The following ANKEF1 variants were observed in gnomAD, a reference collection of about 807,000 sequenced individuals.
ANKEF1 encodes ankyrin repeat and EF-hand domain-containing protein 1.
In ANKEF1, 43 loss-of-function variants were observed where a neutral mutation model predicts 65.1. That is an observed-to-expected ratio of 0.66 (90% CI 0.52 to 0.85). The LOEUF (loss-of-function observed/expected upper bound fraction) is 0.85. Among genes scored for constraint, ANKEF1 ranks in the 40% least tolerant of loss-of-function variants. The probability of loss-of-function intolerance (pLI) is 0.00; values close to 1 mark genes in which losing one functional copy is unlikely to be tolerated. For synonymous variants in ANKEF1, 316 were observed against 341.5 expected, an observed-to-expected ratio of 0.93 and a Z score of 0.82; for missense variants, 934 against 952.9, an observed-to-expected ratio of 0.98 and a Z score of 0.26.
rs200001732 is a variant in ANKEF1 at position 10,049,914 on chromosome 20, G to C, written c.1345G>C (p.Gly449Arg). The C allele has an allele frequency of 3.3e-5, 53 of 1,614,210 alleles. No homozygotes were observed. In the South Asian group the frequency reaches 4.3e-4, roughly 13 times the overall value. ...GTACGCGTTTCCACGCCGGCAGGAT[G>C]GTGGGCCACCGTATTACATGATTGA... ...PEYAFPRRQD[G>R]GPPYYMIETY... The change falls in exon 7 of 11, where the codon GGT (glycine) becomes CGT (arginine). Residue 449 changes from glycine (G) to arginine (R), a missense_variant. Transcript: ENST00000378392.
At chr20:10,041,430 TTAGA>T (rs1466857498) in intron 3 of ANKEF1, among the ~76,000 whole-genome samples, 1 of 152,058 alleles carries the variant, frequency 6.6e-6, no homozygotes, top group Non-Finnish European at 1.5e-5. Flanking sequence ...ATAGTATAAA[TTAGA>T]TAAGATTAGT....
At chr20:10,038,668 T>C (rs1984009111) in intron 3 of ANKEF1, 21 bp downstream of exon 3, 1 of 1,525,236 alleles carries the variant, frequency 6.6e-7, no homozygotes, top group Non-Finnish European at 8.9e-7. Context: ...CGACATCCTC[T>C]CCAGCAGATT....
chr20:10,045,991 C>G (rs545911283), intron 6 of ANKEF1, among the ~76,000 whole-genome samples: 1 of 152,042 alleles, frequency 6.6e-6, no homozygotes, highest in Non-Finnish European at 1.5e-5. Context: ...TGGTTGAGGG[C>G]GGGGTGTGGT....
Position 10,050,011 on chromosome 20 carries a change from A to G in ANKEF1, c.1442A>G (p.Asp481Gly). ...CCCCCAGAACATCCCATTCAGGATG[A>G]CTCTGTTTGGTACATTGATGATTCA... ...DHPPEHPIQD[D>G]SVWYIDDSEK... Residue 481 changes from aspartate (D) to glycine (G), a missense_variant, in exon 7 of 11, where the codon GAC becomes GGC. By Grantham distance (94) the Asp-to-Gly change is moderately conservative. Transcript: ENST00000378392. 6.2e-7 allele frequency: 1 copy of G among 1,614,112 alleles called. No homozygotes were observed. Among genetic ancestry groups the G allele is most frequent in the East Asian group, 2.2e-5 (1 of 44,872 alleles).
rs530475616 is a variant in ANKEF1 at position 10,035,934 on chromosome 20, T to C, written c.-45+292T>C. The stretch of plus-strand genomic sequence containing the variant: ...TGCTCTATTCCACTACCTTGGTAGA[T>C]GGTTAGATGTGACTAAGGTGGCCCA... On this transcript the variant is annotated intron_variant, in intron 2 of 10. Transcript: ENST00000378392. Among the ~76,000 whole-genome samples the C allele has an allele frequency of 3.3e-5, 5 of 152,318 alleles. No homozygotes were observed. In the South Asian group the frequency reaches 1.0e-3, roughly 32 times the overall value.
At chr20:10,037,052 G>C (rs1440509440) in intron 2 of ANKEF1, among the ~76,000 whole-genome samples, 1 of 152,134 alleles carries the variant, frequency 6.6e-6, no homozygotes, top group African/African-American at 2.4e-5. Context: ...AGGAGAGAGA[G>C]CTCACTGCCG....
rs991428417 is a variant in ANKEF1, at chr20:10,058,167, A to C, written c.*2507A>C. 1.3e-5 allele frequency: 2 copies of C among 152,224 alleles called. No homozygotes were observed. Among genetic ancestry groups the C allele is most frequent in the Non-Finnish European group, 2.9e-5 (2 of 68,034 alleles). 9.4% of individuals were successfully genotyped at this position (152,224 alleles called of 1,614,324 possible). ...AGCTGCAGTAATAAATCATAACTGC[A>C]TAAAATTAACTGTAGTACATACTGT... On this transcript the variant is annotated 3_prime_UTR_variant, in exon 11 of 11. Coordinates refer to ENST00000378392, the MANE Select transcript of ANKEF1 (RefSeq NM_022096.6).
chr20:10,055,082 G>T (rs1241364667), intron 10 of ANKEF1, among the ~76,000 whole-genome samples: 3 of 152,068 alleles, frequency 2.0e-5, no homozygotes, highest in Admixed American at 6.6e-5. Context: ...CATCCAACCA[G>T]GCTGAACAAG....
chr20:10,056,456 T>A lies in ANKEF1; in HGVS notation c.*796T>A, dbSNP rs199861374. On this transcript the variant is annotated 3_prime_UTR_variant, in exon 11 of 11. Coordinates refer to ENST00000378392, the MANE Select transcript of ANKEF1 (RefSeq NM_022096.6). ...AGCTAGAAAGGCAGATAGACAGATA[T>A]ATAGATGATAGATAGATAGATGATA... 1.1e-5 allele frequency: 1 copy of A among 88,948 alleles called. No homozygotes were observed. Among genetic ancestry groups the A allele is most frequent in the African/African-American group, 4.2e-5 (1 of 24,072 alleles). 5.5% of individuals were successfully genotyped at this position (88,948 alleles called of 1,614,324 possible). A position where few individuals can be genotyped will look rare whatever the true frequency, so the allele number is the denominator to read the frequency against.
Position 10,049,935 on chromosome 20 carries a change from A to T in ANKEF1, c.1366A>T (p.Ile456Phe). The T allele has an allele frequency of 6.2e-7, 1 of 1,614,218 alleles. No individual in the cohort carries two copies. ...RQDGGPPYYMIETYKNVTDSS... is the reference protein window; with the variant it reads ...RQDGGPPYYMFETYKNVTDSS... ...GGATGGTGGGCCACCGTATTACATG[A>T]TTGAGACCTACAAGAATGTCACTGA... The change falls in exon 7 of 11, where the codon ATT becomes TTT. Residue 456 changes from isoleucine to phenylalanine, a missense_variant. By Grantham distance (21) the Ile-to-Phe change is conservative. Coordinates refer to ENST00000378392, the MANE Select transcript of ANKEF1 (RefSeq NM_022096.6).
chr20:10,044,296 A>T, intron 4 of ANKEF1, 98 bp from the exon 5 acceptor site: 1 of 1,344,882 alleles, frequency 7.4e-7, no homozygotes, highest in Non-Finnish European at 1.0e-6. Context: ...GTAAGTGTAA[A>T]GCTAAGGTCA....
chr20:10,056,498 A>ATAGATAGATAGG lies in ANKEF1; in HGVS notation c.*849_*850insGTAGATAGATAG, dbSNP rs1279991510. On this transcript the variant is annotated 3_prime_UTR_variant, in exon 11 of 11. Transcript: ENST00000378392. ...TAGATGATAGATAGATAGATAGATG[A>ATAGATAGATAGG]TAGATAGATAGATAGATAGATAGAT... is the stretch of plus-strand genomic sequence containing the variant. The ATAGATAGATAGG allele has an allele frequency of 2.7e-5, 3 of 111,978 alleles. No homozygotes were observed. Among genetic ancestry groups the ATAGATAGATAGG allele is most frequent in the African/African-American group, 1.2e-4 (3 of 26,042 alleles). 6.9% of individuals were successfully genotyped at this position (111,978 alleles called of 1,614,324 possible).
At position 10,045,691 on chromosome 20, in the gene ANKEF1, C is replaced by T; in HGVS notation, c.814C>T (p.Gln272Ter). The T allele has an allele frequency of 6.2e-7, 1 of 1,613,524 alleles. No homozygotes were observed. Among genetic ancestry groups the T allele is most frequent in the South Asian group, 1.1e-5 (1 of 91,050 alleles). The stretch of plus-strand genomic sequence containing the variant: ...TGCAGACTGCTGTAAATATATAGCT[C>T]AGCGAGGTAAAATTGTCTAGCAATT... ...GFADCCKYIA[Q>*]RGCDLKWKNL... Residue 272 changes from glutamine to a stop codon, truncating the protein, a stop_gained, in exon 6 of 11, where the codon CAG (glutamine) becomes TAG (stop). Coordinates refer to ENST00000378392, the MANE Select transcript of ANKEF1 (RefSeq NM_022096.6). LOFTEE classifies it high-confidence loss of function.
chr20:10,046,101 C>A (rs1022331301), intron 6 of ANKEF1, among the ~76,000 whole-genome samples: 1 of 151,936 alleles, frequency 6.6e-6, no homozygotes, highest in African/African-American at 2.4e-5. Flanking sequence ...CAAAACCGCG[C>A]CTCTACTAAC....
chr20:10,044,284 TTGTAAG>T, intron 4 of ANKEF1, 104 bp from the exon 5 acceptor site: 2 of 1,257,516 alleles, frequency 1.6e-6, no homozygotes, highest in Admixed American at 2.4e-5. Context: ...AGAACTAAAC[TTGTAAG>T]TGTAAAGCTA....
chr20:10,037,495 G>C (rs1983929543), intron 2 of ANKEF1, among the ~76,000 whole-genome samples: 1 of 152,172 alleles, frequency 6.6e-6, no homozygotes. Flanking sequence ...AATGGGCCAA[G>C]CCTAGGCCAC....
intron 10 of ANKEF1, 41 bp from the exon 11 acceptor site, chr20:10,055,461 A>C (rs988262062): frequency 1.3e-6 from 2 of 1,595,550 alleles, no homozygotes; most frequent in African/African-American, 2.7e-5. Flanking sequence ...ACTGGCTGTC[A>C]TACTCATACC....
chr20:10,044,290 G>C (rs1749873709), intron 4 of ANKEF1, 104 bp from the exon 5 acceptor site: 1 of 1,307,630 alleles, frequency 7.6e-7, no homozygotes, highest in Non-Finnish European at 1.0e-6. Flanking sequence ...AAACTTGTAA[G>C]TGTAAAGCTA....
In ANKEF1 at chr20:10,055,689, G is replaced by C. The variant is rs367595736; in HGVS notation, c.*29G>C. ...ATAGCAGTTATTTCTTGGGGTAAAT[G>C]CTTTGAGGCCCAGGGACCAATCTTT... is the stretch of plus-strand genomic sequence containing the variant. On this transcript the variant is annotated 3_prime_UTR_variant, in exon 11 of 11. Coordinates refer to ENST00000378392, the MANE Select transcript of ANKEF1 (RefSeq NM_022096.6). The C allele has an allele frequency of 5.9e-5, 95 of 1,612,054 alleles. No individual in the cohort carries two copies. The African/African-American group carries it at 1.2e-3, about 21-fold the overall frequency.
Sources: allele counts gnomAD v4.1 joint callset (sites outside exome capture counted in the v4.1 genomes callset), GRCh38; gene constraint gnomAD v4.1.1; transcripts MANE v1.5; gene names NCBI Gene and HGNC (gene_info 2026-07-23, HGNC 2026-07-21).